The following STK25 variants were observed in gnomAD, a reference collection of about 807,000 sequenced individuals.
STK25 encodes the protein serine/threonine kinase 25.
In STK25, 29 loss-of-function variants were observed where a neutral mutation model predicts 53.8. The observed-to-expected ratio is 0.54, with a 90% CI of 0.40 to 0.74. The LOEUF is 0.74. STK25 is among the 30% of genes least tolerant of loss of function. The pLI, the probability that STK25 is intolerant of heterozygous loss-of-function variation, is 0.00. For missense variants in STK25, 420 were observed against 568.0 expected, an observed-to-expected ratio of 0.74 and a Z score of 2.65; for synonymous variants, 247 against 238.3, an observed-to-expected ratio of 1.04 and a Z score of -0.33.
Position 241,493,086 on chromosome 2 carries a change from A to G in STK25, c.*2576T>C. The G allele has an allele frequency of 8.5e-7, 1 of 1,182,768 alleles. No individual in the cohort carries two copies. The highest frequency in any genetic ancestry group is 1.3e-6 in the Non-Finnish European group (1 of 786,906). 73.3% of individuals were successfully genotyped at this position (1,182,768 alleles called of 1,614,324 possible). A position where few individuals can be genotyped will look rare whatever the true frequency, so the allele number is the denominator to read the frequency against. On this transcript the variant is annotated 3_prime_UTR_variant, in exon 12 of 12. Transcript: ENST00000316586. ...ATGCAGGTGATGCTAGCAGACAGACACTTAACCCTGCTCACCTGTGTCCCT... is the reference window on the plus strand; with the variant it reads ...ATGCAGGTGATGCTAGCAGACAGACGCTTAACCCTGCTCACCTGTGTCCCT...
At position 241,495,492 on chromosome 2, in the gene STK25, G is replaced by T; in HGVS notation, c.*170C>A. 1.5e-6 allele frequency: 1 copy of T among 668,880 alleles called. No individual in the cohort carries two copies. Among genetic ancestry groups the T allele is most frequent in the African/African-American group, 1.8e-5 (1 of 56,330 alleles). The allele number at this position is 668,880 out of a possible 1,614,324, so 41.4% of individuals were successfully genotyped here. ...CTGACGTGCACAACAGCACACTGCA[G>T]GGGTGGAAGGAGACGGTGACCTGGT... On this transcript the variant is annotated 3_prime_UTR_variant, in exon 12 of 12. Coordinates refer to ENST00000316586, the MANE Select transcript of STK25 (RefSeq NM_001271977.2).
intron 2 of STK25, among the ~76,000 whole-genome samples, chr2:241,507,498 G>A (rs2065907157): frequency 6.6e-6 from 1 of 152,220 alleles, no homozygotes; most frequent in Non-Finnish European, 1.5e-5. Context: ...GCACACACGT[G>A]TTCTCTGCTT....
At chr2:241,507,919 G>C (rs535279641) in intron 2 of STK25, 87 bp downstream of exon 2, 3 of 1,368,102 alleles carry the variant, frequency 2.2e-6, no homozygotes, top group Non-Finnish European at 3.0e-6. Flanking sequence ...TGCCCGCTCC[G>C]GCGTGGCGCT....
chr2:241,493,078 A>G lies in STK25; in HGVS notation c.*2584T>C, dbSNP rs780030293. ...GGAGCCCAATGCAGGTGATGCTAGC[A>G]GACAGACACTTAACCCTGCTCACCT... On this transcript the variant is annotated 3_prime_UTR_variant, in exon 12 of 12. Transcript: ENST00000316586. 8.1e-7 allele frequency: 1 copy of G among 1,234,696 alleles called. No individual in the cohort carries two copies. The highest frequency in any genetic ancestry group is 1.2e-6 in the Non-Finnish European group (1 of 834,074). The allele number at this position is 1,234,696 out of a possible 1,614,324, so 76.5% of individuals were successfully genotyped here. A position where few individuals can be genotyped will look rare whatever the true frequency, so the allele number is the denominator to read the frequency against.
intron 2 of STK25, among the ~76,000 whole-genome samples, chr2:241,506,510 G>A (rs1458628554): frequency 4.6e-5 from 7 of 152,320 alleles, no homozygotes; most frequent in African/African-American, 1.4e-4. Context: ...GCTCATGCCT[G>A]TAATCCCAGC....
intron 4 of STK25, 117 bp from the exon 5 acceptor site, chr2:241,500,398 C>A: frequency 1.4e-6 from 1 of 697,362 alleles, no homozygotes; most frequent in Non-Finnish European, 2.5e-6. Flanking sequence ...GCTTCGTGTT[C>A]CTTTACTTCC....
chr2:241,508,172 A>G, intron 1 of STK25, 37 bp from the exon 2 acceptor site: 2 of 1,407,928 alleles, frequency 1.4e-6, no homozygotes, highest in Non-Finnish European at 1.8e-6. Flanking sequence ...TGCCCAGTTC[A>G]GTCATCTGAG....
At chr2:241,498,410 C>G in intron 8 of STK25, 61 bp from the exon 9 acceptor site, 2 of 1,442,120 alleles carry the variant, frequency 1.4e-6, no homozygotes, top group Non-Finnish European at 1.9e-6. Flanking sequence ...ATGAGGGCCT[C>G]AGGGCACACC....
chr2:241,500,731 A>G lies in STK25; in HGVS notation c.318+9T>C. The stretch of plus-strand genomic sequence containing the variant: ...GCATGACCCCCCACTGCCATGGCCT[A>G]TGCCTCACCAAGTCCAGTGCTGAGC... On this transcript the variant is annotated intron_variant, in intron 4 of 11. Coordinates refer to ENST00000316586, the MANE Select transcript of STK25 (RefSeq NM_001271977.2). 1 of 1,613,760 alleles carries G rather than the reference A, an allele frequency of 6.2e-7. No individual in the cohort carries two copies. Among genetic ancestry groups the G allele is most frequent in the Non-Finnish European group, 8.5e-7 (1 of 1,179,858 alleles).
At chr2:241,499,199 C>T (rs199912049) in intron 6 of STK25, 25 bp from the exon 7 acceptor site, 1 of 1,613,810 alleles carries the variant, frequency 6.2e-7, no homozygotes, top group Admixed American at 1.7e-5. Context: ...AGGACTGTTG[C>T]TGCCCTGAGC....
chr2:241,501,403 G>T lies in STK25; in HGVS notation c.261+75C>A. 1.4e-6 allele frequency: 2 copies of T among 1,450,120 alleles called. No homozygotes were observed. The highest frequency in any genetic ancestry group is 1.9e-6 in the Non-Finnish European group (2 of 1,047,462). 89.8% of individuals were successfully genotyped at this position (1,450,120 alleles called of 1,614,324 possible). On this transcript the variant is annotated intron_variant, in intron 3 of 11. Transcript: ENST00000316586. The surrounding 1 kb of genome is among the most constrained non-coding windows in gnomAD (Gnocchi z 5.3). ...AAGACCGCCTTGCACCCTCTGGCAT[G>T]TCACTCAGTCCCTCTGACATGGAAG...
rs1574950822 is a variant in STK25 at position 241,501,182 on chromosome 2, G to A, written c.261+296C>T. ...TACACCCCAGACACTGGCACCACCA[G>A]CCACCTGCTCCTCACAGGCCCACTC... is the stretch of plus-strand genomic sequence containing the variant. On this transcript the variant is annotated intron_variant, in intron 3 of 11. Transcript: ENST00000316586. This position sits in a 1 kb window ranked among gnomAD's most constrained non-coding sequence, Gnocchi z 5.3. 4 of 552,794 alleles carry A rather than the reference G, an allele frequency of 7.2e-6. No individual in the cohort carries two copies. In the Admixed American group the frequency reaches 9.2e-5, roughly 13 times the overall value. 34.2% of individuals were successfully genotyped at this position (552,794 alleles called of 1,614,324 possible). A position where few individuals can be genotyped will look rare whatever the true frequency, so the allele number is the denominator to read the frequency against.
At position 241,508,039 on chromosome 2, in the gene STK25, C is replaced by G. The variant is rs1250843402; in HGVS notation, c.-4G>C. The G allele has an allele frequency of 6.2e-7, 1 of 1,604,778 alleles. No homozygotes were observed. The highest frequency in any genetic ancestry group is 2.3e-5 in the East Asian group (1 of 44,350). On this transcript the variant is annotated 5_prime_UTR_variant, in exon 2 of 12. Transcript: ENST00000316586. ...CAAATCCCCGGAGGTGAGCCATGGC[C>G]GCGCCGCCTCAGACCCTCCGCCAGC...
chr2:241,506,116 A>G (rs913446341), intron 2 of STK25, among the ~76,000 whole-genome samples: 1 of 152,234 alleles, frequency 6.6e-6, no homozygotes, highest in Non-Finnish European at 1.5e-5. Context: ...CTGGCCAGGT[A>G]GAGGGGAGAA....
intron 9 of STK25, 81 bp from the exon 10 acceptor site, chr2:241,497,768 C>A: frequency 7.1e-7 from 1 of 1,409,012 alleles, no homozygotes; most frequent in East Asian, 2.3e-5. Context: ...CAGGCTCTAG[C>A]CTTGAAGAGA....
intron 9 of STK25, among the ~76,000 whole-genome samples, chr2:241,497,948 G>A (rs570929423): frequency 1.5e-4 from 19 of 125,522 alleles, no homozygotes; most frequent in African/African-American, 5.4e-4. Flanking sequence ...ACCCTCTCCT[G>A]ACTCTGAGGG....
In STK25 at chr2:241,500,746, C is replaced by T; in HGVS notation, c.312G>A (p.Leu104=). ...IMEYLGGGSA[L]DLLKPGPLEE... ...GCCATGGCCTATGCCTCACCAAGTC[C>T]AGTGCTGAGCCGCCGCCCAGGTACT... Residue 104 remains leucine, a synonymous_variant, in exon 4 of 12, where the codon CTG becomes CTA. Transcript: ENST00000316586. 1 of 1,613,970 alleles carries T rather than the reference C, an allele frequency of 6.2e-7. No individual in the cohort carries two copies. The highest frequency in any genetic ancestry group is 1.1e-5 in the South Asian group (1 of 91,084).
At chr2:241,497,576 C>A in intron 10 of STK25, 40 bp downstream of exon 10, 2 of 1,604,408 alleles carry the variant, frequency 1.2e-6, no homozygotes, top group South Asian at 1.1e-5. Flanking sequence ...CAGCCTTGTC[C>A]TTGACGGGAC....
chr2:241,506,386 C>T (rs576106995), intron 2 of STK25, among the ~76,000 whole-genome samples: 47 of 152,370 alleles, frequency 3.1e-4, no homozygotes, highest in African/African-American at 1.1e-3. Context: ...GCGATCGCAC[C>T]AAGAACCAAT....
Sources: allele counts gnomAD v4.1 joint callset (sites outside exome capture counted in the v4.1 genomes callset), GRCh38; gene constraint gnomAD v4.1.1; non-coding constraint Gnocchi (gnomAD v3.1); transcripts MANE v1.5; gene names NCBI Gene and HGNC (gene_info 2026-07-23, HGNC 2026-07-21).